The following CENPP variants were observed in gnomAD, a reference collection of about 807,000 sequenced individuals.
The protein encoded by CENPP is centromere protein P.
CENPP carries 24 observed loss-of-function variants against 35.6 expected under a neutral mutation model. The observed-to-expected ratio is 0.67, with a 90% CI of 0.49 to 0.95. The LOEUF is 0.95. CENPP is among the 40% of genes least tolerant of loss of function. CENPP has a pLI of 0.00. For missense variants in CENPP, 332 were observed against 345.3 expected, an observed-to-expected ratio of 0.96 and a Z score of 0.31; for synonymous variants, 120 against 125.5, an observed-to-expected ratio of 0.96 and a Z score of 0.29.
intron 5 of CENPP, among the ~76,000 whole-genome samples, chr9:92,538,278 G>A (rs974434049): frequency 1.3e-5 from 2 of 152,142 alleles, no homozygotes; most frequent in Admixed American, 6.6e-5. Flanking sequence ...AGTTGTCCAT[G>A]CTATACCAGG....
At chr9:92,466,645 A>G in intron 5 of CENPP, 1 of 1,265,078 alleles carries the variant, frequency 7.9e-7, no homozygotes, top group South Asian at 1.3e-5. Flanking sequence ...GTGATTAGCC[A>G]ATGATGGAAA....
intron 5 of CENPP, among the ~76,000 whole-genome samples, chr9:92,545,916 T>C (rs555388593): frequency 6.6e-6 from 1 of 152,256 alleles, no homozygotes; most frequent in African/African-American, 2.4e-5. Context: ...AACCTTTATG[T>C]CTAGCTAAGG....
intron 5 of CENPP, among the ~76,000 whole-genome samples, chr9:92,406,618 C>G (rs761716895): frequency 3.9e-5 from 6 of 152,158 alleles, no homozygotes; most frequent in Non-Finnish European, 7.3e-5. Context: ...GCTTCAGGAT[C>G]TGCATTTGAA....
intron 5 of CENPP, among the ~76,000 whole-genome samples, chr9:92,472,120 G>A (rs78811128): frequency 1.3e-5 from 2 of 152,030 alleles, no homozygotes; most frequent in Non-Finnish European, 1.5e-5. Context: ...GGGAGGCCGA[G>A]GTGGGTGGGT....
intron 5 of CENPP, among the ~76,000 whole-genome samples, chr9:92,592,424 CTGT>C (rs1392116696): frequency 6.6e-6 from 1 of 152,218 alleles, no homozygotes; most frequent in African/African-American, 2.4e-5. Context: ...CTTTTGCTCC[CTGT>C]TGTTTTTTAT....
At chr9:92,570,222 G>C (rs991581086) in intron 5 of CENPP, among the ~76,000 whole-genome samples, 4 of 152,096 alleles carry the variant, frequency 2.6e-5, no homozygotes, top group Non-Finnish European at 5.9e-5. Context: ...GTTTGTCATA[G>C]ATAGCTCTTA....
intron 5 of CENPP, among the ~76,000 whole-genome samples, chr9:92,447,050 C>T (rs892030743): frequency 6.6e-6 from 1 of 152,096 alleles, no homozygotes; most frequent in Non-Finnish European, 1.5e-5. Context: ...GAGTTGCTTG[C>T]ATGATTCAGC....
intron 4 of CENPP, among the ~76,000 whole-genome samples, chr9:92,357,661 AT>A (rs1215969668): frequency 6.6e-6 from 1 of 151,028 alleles, no homozygotes; most frequent in Non-Finnish European, 1.5e-5. Flanking sequence ...CTCCTGGCTC[AT>A]TTTTTTTGTA....
chr9:92,376,804 G>A (rs1430555933), intron 4 of CENPP, among the ~76,000 whole-genome samples: 2 of 152,158 alleles, frequency 1.3e-5, no homozygotes, highest in Non-Finnish European at 2.9e-5. Flanking sequence ...ACTTTGGGAG[G>A]CCAAGGTGGG....
At chr9:92,428,374 A>G (rs1242073215) in intron 5 of CENPP, among the ~76,000 whole-genome samples, 1 of 152,186 alleles carries the variant, frequency 6.6e-6, no homozygotes, top group Non-Finnish European at 1.5e-5. Context: ...AGGTTCCAGC[A>G]TCTTTATACT....
At chr9:92,393,228 C>T in intron 5 of CENPP, 1 of 1,591,338 alleles carries the variant, frequency 6.3e-7, no homozygotes, top group Non-Finnish European at 8.6e-7. Flanking sequence ...AAACACACAG[C>T]AGACACGTGG....
chr9:92,514,719 CAG>C, intron 5 of CENPP: 1 of 1,607,802 alleles, frequency 6.2e-7, no homozygotes, highest in Non-Finnish European at 8.5e-7. Context: ...TCCTGTAGGA[CAG>C]AGAGCACCCG....
intron 5 of CENPP, among the ~76,000 whole-genome samples, chr9:92,508,876 G>A (rs1847167957): frequency 6.6e-6 from 1 of 151,918 alleles, no homozygotes; most frequent in Admixed American, 6.6e-5. Flanking sequence ...AACATAATAT[G>A]TTTCAAAGCA....
intron 5 of CENPP, among the ~76,000 whole-genome samples, chr9:92,493,380 C>G (rs2131125802): frequency 6.6e-6 from 1 of 152,274 alleles, no homozygotes; most frequent in South Asian, 2.1e-4. Flanking sequence ...AGATGGGCTC[C>G]CAAGTCTCTT....
Position 92,402,297 on chromosome 9 carries a change from G to C in CENPP, c.564+22438G>C, listed in dbSNP as rs926198026. On this transcript the variant is annotated intron_variant, in intron 5 of 7. Transcript: ENST00000375587. ...AAGCATTAACTGAAAGAAAGAAACT[G>C]TGGTGTTAACATTTGCTCATTGTGT... 3.3e-5 allele frequency among the ~76,000 whole-genome samples: 5 copies of C among 152,144 alleles called. No homozygotes were observed. In the East Asian group the frequency reaches 7.7e-4, roughly 23 times the overall value.
At chr9:92,405,169 T>C (rs975212145) in intron 5 of CENPP, among the ~76,000 whole-genome samples, 5 of 152,150 alleles carry the variant, frequency 3.3e-5, no homozygotes, top group Non-Finnish European at 5.9e-5. Context: ...TTGAGGTTGA[T>C]AGTAAAAGAT....
chr9:92,574,214 C>T (rs1850224132), intron 5 of CENPP, among the ~76,000 whole-genome samples: 1 of 152,056 alleles, frequency 6.6e-6, no homozygotes, highest in Non-Finnish European at 1.5e-5. Flanking sequence ...CATCTTGGAA[C>T]CTCCCCCCAG....
chr9:92,513,510 A>G (rs555489471), intron 5 of CENPP, among the ~76,000 whole-genome samples: 1 of 152,328 alleles, frequency 6.6e-6, no homozygotes, highest in Non-Finnish European at 1.5e-5. Flanking sequence ...ATTTATAGCA[A>G]CTTTATACAT....
At chr9:92,446,508 T>C (rs1844554998) in intron 5 of CENPP, among the ~76,000 whole-genome samples, 1 of 152,202 alleles carries the variant, frequency 6.6e-6, no homozygotes, top group Non-Finnish European at 1.5e-5. Flanking sequence ...AAATAGTAAC[T>C]GTAGTCTGTT....
Sources: gnomAD v4.1 joint callset for allele counts (sites outside exome capture counted in the v4.1 genomes callset) on GRCh38, gnomAD v4.1.1 for gene constraint, MANE v1.5 for transcripts, NCBI Gene and HGNC (gene_info 2026-07-23, HGNC 2026-07-21) for gene names.